Variants in RPS3 observed in about 807,000 individuals in gnomAD.
The protein encoded by RPS3 is ribosomal protein S3, also known as small ribosomal subunit protein uS3.
RPS3 carries 2 observed loss-of-function variants against 25.8 expected under a neutral mutation model. The ratio of observed to expected loss-of-function variants is 0.08; its 90% confidence interval spans 0.03 to 0.24. The LOEUF is 0.24. Among genes scored for constraint, RPS3 ranks in the 10% least tolerant of loss-of-function variants. The probability of loss-of-function intolerance (pLI) is 1.00; values close to 1 mark genes in which losing one functional copy is unlikely to be tolerated. For missense variants in RPS3, 107 were observed against 307.1 expected (o/e 0.35, Z 4.87); for synonymous variants, 114 against 114.2 (o/e 1.00, Z 0.01).
At chr11:75,410,090 C>T (rs1342131481), downstream of RPS3, among the ~76,000 whole-genome samples, 3 of 139,942 alleles carry the variant, frequency 2.1e-5, no homozygotes, top group Admixed American at 1.4e-4. Flanking sequence ...TCCCCCCTCC[C>T]GGACTGGGCG....
In RPS3 at chr11:75,404,222, G is replaced by A. The variant is rs1370494655; in HGVS notation, c.538+15G>A. 2.5e-6 allele frequency: 4 copies of A among 1,607,400 alleles called. No homozygotes were observed. The highest frequency in any genetic ancestry group is 1.1e-5 in the South Asian group (1 of 90,674). On this transcript the variant is annotated intron_variant, in intron 5 of 6. Transcript: ENST00000531188. This position sits in a 1 kb window ranked among gnomAD's most constrained non-coding sequence, Gnocchi z 4.6. ...GCTCAGACAGGGTGAGCAGCTGAGA[G>A]TGCTTGGCAAAGGGCATTTGTGGAC... is the stretch of plus-strand genomic sequence containing the variant.
downstream of RPS3, among the ~76,000 whole-genome samples, chr11:75,407,766 C>T (rs1228059582): frequency 6.6e-6 from 1 of 152,234 alleles, no homozygotes; most frequent in Non-Finnish European, 1.5e-5. Context: ...CGTGCCTGGC[C>T]AAACATCTGC....
chr11:75,401,247 G>T (rs1948205904), intron 2 of RPS3, among the ~76,000 whole-genome samples: 1 of 152,166 alleles, frequency 6.6e-6, no homozygotes, highest in Non-Finnish European at 1.5e-5. Flanking sequence ...GAATGTAATT[G>T]CTTCTTAAAA....
intron 4 of RPS3, chr11:75,402,875 T>G (rs1053064265): frequency 1.3e-5 from 2 of 155,084 alleles, no homozygotes; most frequent in Admixed American, 1.3e-4. Context: ...CATGAAACTT[T>G]AGTAGCAATC....
intron 6 of RPS3, among the ~76,000 whole-genome samples, chr11:75,419,557 CAA>C (rs369165001): frequency 1.7e-5 from 2 of 120,776 alleles, no homozygotes; most frequent in Non-Finnish European, 1.8e-5. Context: ...CCTTCTCAAA[CAA>C]AAAAAAAAAG....
At chr11:75,399,769 G>T in intron 1 of RPS3, 192 bp downstream of exon 1, 2 of 586,668 alleles carry the variant, frequency 3.4e-6, no homozygotes, top group Non-Finnish European at 6.1e-6. Context: ...GTGTGGCCGG[G>T]TTCCAAGTGA....
At chr11:75,419,836 G>T (rs1419103097) in intron 6 of RPS3, among the ~76,000 whole-genome samples, 2 of 152,102 alleles carry the variant, frequency 1.3e-5, no homozygotes, top group Admixed American at 1.3e-4. Context: ...GTTTTGCCTT[G>T]TTAGCCAGGC....
intron 3 of RPS3, 38 bp from the exon 4 acceptor site, chr11:75,402,314 T>C (rs1338077643): frequency 3.8e-6 from 6 of 1,592,954 alleles, no homozygotes; most frequent in Middle Eastern, 1.7e-4. Context: ...TTGAAAATAA[T>C]GGTGATGGTA....
rs765478023 is a variant in RPS3 at position 75,400,763 on chromosome 11, T to A, written c.100T>A (p.Tyr34Asn). 1 of 1,613,020 alleles carries A rather than the reference T, an allele frequency of 6.2e-7. No individual in the cohort carries two copies. The highest frequency in any genetic ancestry group is 1.7e-5 in the Admixed American group (1 of 60,004). ...TACTCGGGAGCTGGCTGAAGATGGC[T>A]ACTCTGGAGTTGAGGTGCGAGTTAC... ...FLTRELAEDG[Y>N]SGVEVRVTPT... The change falls in exon 2 of 7, where the codon TAC becomes AAC. Residue 34 changes from tyrosine to asparagine, a missense_variant. Coordinates refer to ENST00000531188, the MANE Select transcript of RPS3 (RefSeq NM_001005.5).
intron 6 of RPS3, among the ~76,000 whole-genome samples, chr11:75,413,519 G>A (rs1201255193): frequency 1.3e-5 from 2 of 152,156 alleles, no homozygotes; most frequent in Non-Finnish European, 2.9e-5. Flanking sequence ...GCTTCCCAAA[G>A]TGCTGGGATT....
At chr11:75,410,073 C>T (rs573724322), downstream of RPS3, among the ~76,000 whole-genome samples, 3 of 133,602 alleles carry the variant, frequency 2.2e-5, no homozygotes, top group Non-Finnish European at 4.8e-5. Context: ...GGGGGCTGAC[C>T]CCCCCCTCCC....
chr11:75,420,659 A>G (rs1030952765), intron 6 of RPS3, among the ~76,000 whole-genome samples: 2 of 152,046 alleles, frequency 1.3e-5, no homozygotes, highest in Non-Finnish European at 2.9e-5. Flanking sequence ...TAGTGTAGTC[A>G]GTGGGAAGCC....
intron 6 of RPS3, among the ~76,000 whole-genome samples, chr11:75,413,676 T>G (rs1948375722): frequency 6.6e-6 from 1 of 152,222 alleles, no homozygotes; most frequent in South Asian, 2.1e-4. Context: ...ATGCACAGTT[T>G]GTTCAGAAGC....
chr11:75,419,336 C>T (rs12294273), intron 6 of RPS3, among the ~76,000 whole-genome samples: 1 of 151,982 alleles, frequency 6.6e-6, no homozygotes, highest in Non-Finnish European at 1.5e-5. Context: ...GGTGGATCAC[C>T]TGAGGTCAGG....
At chr11:75,408,044 A>G (rs1041683532), downstream of RPS3, among the ~76,000 whole-genome samples, 2 of 152,262 alleles carry the variant, frequency 1.3e-5, no homozygotes, top group Non-Finnish European at 2.9e-5. Context: ...ATTGGAAGAA[A>G]GTGCTGTTAA....
At chr11:75,407,797 GT>G (rs1431138026), downstream of RPS3, among the ~76,000 whole-genome samples, 2 of 152,206 alleles carry the variant, frequency 1.3e-5, no homozygotes, top group Non-Finnish European at 2.9e-5. Flanking sequence ...CTGGGAATAG[GT>G]TAAGACTGTA....
chr11:75,404,036 C>T lies in RPS3; in HGVS notation c.367C>T (p.Leu123=). The part of the protein sequence containing the change: ...LAVRRACYGV[L]RFIMESGAKG... ...CTTTTAAAGGGCCTGCTATGGTGTG[C>T]TGCGGTTCATCATGGAGAGTGGGGC... Residue 123 remains leucine (L), a synonymous_variant, in exon 5 of 7, where the codon CTG becomes TTG. Coordinates refer to ENST00000531188, the MANE Select transcript of RPS3 (RefSeq NM_001005.5). This position sits in a 1 kb window ranked among gnomAD's most constrained non-coding sequence, Gnocchi z 4.6. 1 of 1,612,628 alleles carries T rather than the reference C, an allele frequency of 6.2e-7. No individual in the cohort carries two copies. Among genetic ancestry groups the T allele is most frequent in the South Asian group, 1.1e-5 (1 of 91,010 alleles).
chr11:75,400,988 T>C (rs1948201773), intron 2 of RPS3, among the ~76,000 whole-genome samples, 164 bp downstream of exon 2: 1 of 152,166 alleles, frequency 6.6e-6, no homozygotes, highest in East Asian at 1.9e-4. Flanking sequence ...GTTCACGCCA[T>C]TCTCCTGCGT....
At chr11:75,405,039 C>T (rs1948265732) in intron 6 of RPS3, 171 bp downstream of exon 6, 2 of 494,086 alleles carry the variant, frequency 4.0e-6, no homozygotes, top group Non-Finnish European at 7.2e-6. Flanking sequence ...ACCCTTGGTT[C>T]CAATGGGACA....
Sources: allele counts gnomAD v4.1 joint callset (sites outside exome capture counted in the v4.1 genomes callset), GRCh38; gene constraint gnomAD v4.1.1; non-coding constraint Gnocchi (gnomAD v3.1); transcripts MANE v1.5; gene names NCBI Gene and HGNC (gene_info 2026-07-23, HGNC 2026-07-21).